Variants in CR1 observed in about 807,000 individuals in gnomAD.
CR1 encodes complement C3b/C4b receptor 1 (Knops blood group).
A neutral mutation model predicts 187.3 loss-of-function variants in CR1; 116 were observed. That is an observed-to-expected ratio of 0.62 (90% CI 0.53 to 0.72). The LOEUF (loss-of-function observed/expected upper bound fraction) is 0.72. Ranked by LOEUF, CR1 falls within the 30% of genes least tolerant of loss-of-function variation. The pLI is 0.00. For missense variants in CR1, 1,731 were observed against 2,110.7 expected (o/e 0.82, Z 3.52); for synonymous variants, 576 against 747.1 (o/e 0.77, Z 3.73).
rs373084022 is a variant in CR1, at chr1:207,622,548, G to T, written c.7277-445G>T. The stretch of plus-strand genomic sequence containing the variant: ...CGTAACTTGTCCAAGACCACAGAAT[G>T]GGGTAGCCTGGGTCTACTTATCTGT... On this transcript the variant is annotated intron_variant, in intron 44 of 46. Transcript: ENST00000367049. Among the ~76,000 whole-genome samples, 11 of 152,326 alleles carry T rather than the reference G, an allele frequency of 7.2e-5. No individual in the cohort carries two copies. The East Asian group carries it at 2.1e-3, about 29-fold the overall frequency.
chr1:207,507,567 T>G (rs1260372423), intron 3 of CR1: 1 of 152,150 alleles, frequency 6.6e-6, no homozygotes, highest in Admixed American at 6.5e-5. Flanking sequence ...CTGGATTGCC[T>G]CTCCAAAGAC....
At chr1:207,637,504 AC>A (rs1452573058) in intron 46 of CR1, among the ~76,000 whole-genome samples, 2 of 152,254 alleles carry the variant, frequency 1.3e-5, no homozygotes, top group Admixed American at 6.5e-5. Context: ...TAAATAATTT[AC>A]CCGTGGCCTG....
At chr1:207,616,536 A>C (rs754315420) in intron 40 of CR1, 39 bp from the exon 41 acceptor site, 1 of 1,599,874 alleles carries the variant, frequency 6.3e-7, no homozygotes, top group Non-Finnish European at 8.5e-7. Flanking sequence ...ATCTTAAGTG[A>C]AATTCTAATA....
chr1:207,628,597 T>C (rs933727802), intron 45 of CR1, among the ~76,000 whole-genome samples: 3 of 152,232 alleles, frequency 2.0e-5, no homozygotes, highest in African/African-American at 7.2e-5. Flanking sequence ...TGTTAGGAAT[T>C]AGGCCTTTAG....
intron 4 of CR1, among the ~76,000 whole-genome samples, chr1:207,517,911 T>C (rs1437650032): frequency 6.6e-6 from 1 of 152,152 alleles, no homozygotes; most frequent in Non-Finnish European, 1.5e-5. Context: ...TTACCGGGGC[T>C]TTATCAATTT....
At chr1:207,604,432 C>T (rs1661689742) in intron 35 of CR1, among the ~76,000 whole-genome samples, 2 of 152,166 alleles carry the variant, frequency 1.3e-5, no homozygotes, top group Admixed American at 1.3e-4. Flanking sequence ...GCCTAAATCA[C>T]CTAGTTCTTT....
chr1:207,498,877 C>CAAAAAAAAAAAAAAAA lies in CR1; in HGVS notation c.121+2490_121+2505dup, dbSNP rs56044498. ...TGGGTGACAGAGCGCAACTCCAAAT[C>CAAAAAAAAAAAAAAAA]AAAAAAAAAAAAAAAAGAAACAAAC... On this transcript the variant is annotated intron_variant, in intron 1 of 46. Coordinates refer to ENST00000367049, the MANE Select transcript of CR1 (RefSeq NM_000651.6). Among the ~76,000 whole-genome samples, 118 of 49,964 alleles carry CAAAAAAAAAAAAAAAA rather than the reference C, an allele frequency of 2.4e-3. 1 individual carries two copies. Among genetic ancestry groups the CAAAAAAAAAAAAAAAA allele is most frequent in the East Asian group, 3.3e-3 (3 of 912 alleles). The allele number at this position is 49,964 out of a possible 152,430, so 32.8% of individuals were successfully genotyped here.
intron 46 of CR1, among the ~76,000 whole-genome samples, chr1:207,637,516 AG>A (rs1245205189): frequency 6.6e-6 from 1 of 152,240 alleles, no homozygotes. Context: ...CCGTGGCCTG[AG>A]TGACATCCCG....
At chr1:207,498,050 G>A (rs1430995406) in intron 1 of CR1, among the ~76,000 whole-genome samples, 2 of 152,184 alleles carry the variant, frequency 1.3e-5, no homozygotes, top group Non-Finnish European at 2.9e-5. Flanking sequence ...TCCAGCCTCT[G>A]CTACTTACCA....
chr1:207,596,364 A>C (rs766917102), intron 35 of CR1, among the ~76,000 whole-genome samples: 4 of 152,162 alleles, frequency 2.6e-5, no homozygotes, highest in Non-Finnish European at 5.9e-5. Context: ...CTGTAATCCC[A>C]GCACTTTGGG....
intron 4 of CR1, 54 bp downstream of exon 4, chr1:207,511,708 C>A: frequency 1.3e-6 from 2 of 1,535,078 alleles, no homozygotes; most frequent in South Asian, 1.1e-5. Context: ...TAATTTTTCT[C>A]TGGAATAATA....
intron 4 of CR1, among the ~76,000 whole-genome samples, chr1:207,517,976 T>G (rs1659854956): frequency 6.6e-6 from 1 of 152,164 alleles, no homozygotes; most frequent in Non-Finnish European, 1.5e-5. Flanking sequence ...CTTTAGTTTA[T>G]GACTATTTTC....
intron 5 of CR1, among the ~76,000 whole-genome samples, chr1:207,525,864 A>G (rs1337772218): frequency 1.3e-5 from 2 of 152,062 alleles, no homozygotes; most frequent in African/African-American, 4.8e-5. Context: ...CAAACTCCCT[A>G]AAGAAGTCAT....
At chr1:207,638,763 C>T (rs1256331901) in intron 46 of CR1, among the ~76,000 whole-genome samples, 3 of 152,360 alleles carry the variant, frequency 2.0e-5, no homozygotes, top group Non-Finnish European at 2.9e-5. Flanking sequence ...CACATCAGTA[C>T]GAATTTGAAC....
At chr1:207,501,993 C>A (rs1215294473) in intron 1 of CR1, among the ~76,000 whole-genome samples, 2 of 151,822 alleles carry the variant, frequency 1.3e-5, no homozygotes, top group African/African-American at 4.8e-5. Context: ...AAAATAGACT[C>A]CTGGGCCCTA....
intron 33 of CR1, 21 bp downstream of exon 33, chr1:207,584,897 A>C (rs745568711): frequency 5.6e-6 from 9 of 1,613,244 alleles, no homozygotes; most frequent in African/African-American, 4.0e-5. Flanking sequence ...ACTTCCACAT[A>C]TCCTAAATGG....
At position 207,523,949 on chromosome 1, in the gene CR1, C is replaced by T. The variant is rs762275854; in HGVS notation, c.826C>T (p.Arg276Cys). Reference sequence around the variant, plus strand: ...GCCTGGCTTTGTCATGAAAGGACCCCGCCGTGTGAAGTGCCAGGCCCTGAA... The same window carrying T: ...GCCTGGCTTTGTCATGAAAGGACCCTGCCGTGTGAAGTGCCAGGCCCTGAA... The part of the protein sequence containing the change: ...CQPGFVMKGP[R>C]RVKCQALNKW... Residue 276 changes from arginine (R) to cysteine (C), a missense_variant, in exon 5 of 47, where the codon CGC becomes TGC. Arg to Cys is a radical substitution (Grantham distance 180). Coordinates refer to ENST00000367049, the MANE Select transcript of CR1 (RefSeq NM_000651.6). 6.2e-6 allele frequency: 10 copies of T among 1,611,576 alleles called. No individual in the cohort carries two copies. The highest frequency in any genetic ancestry group is 2.2e-5 in the East Asian group (1 of 44,898).
chr1:207,609,609 G>A lies in CR1; in HGVS notation c.6216G>A (p.Gly2072=), dbSNP rs771016495. 65 of 1,612,254 alleles carry A rather than the reference G, an allele frequency of 4.0e-5. No homozygotes were observed. Among genetic ancestry groups the A allele is most frequent in the Admixed American group, 5.0e-5 (3 of 59,782 alleles). Residue 2072 remains glycine, a synonymous_variant, in exon 37 of 47, where the codon GGG becomes GGA. Transcript: ENST00000367049. The stretch of plus-strand genomic sequence containing the variant: ...TCATCAGATTTAGATGTCAGCCCGG[G>A]TTTGTCATGGTAGGGTCCCACACTG... ...TEIIRFRCQP[G]FVMVGSHTVQ...
intron 4 of CR1, among the ~76,000 whole-genome samples, chr1:207,522,568 T>C (rs948301205): frequency 6.6e-6 from 1 of 152,188 alleles, no homozygotes; most frequent in Non-Finnish European, 1.5e-5. Flanking sequence ...CTCAACTGGA[T>C]TCTCATCTTC....
Sources: allele counts gnomAD v4.1 joint callset (sites outside exome capture counted in the v4.1 genomes callset), GRCh38; gene constraint gnomAD v4.1.1; transcripts MANE v1.5; gene names NCBI Gene and HGNC (gene_info 2026-07-23, HGNC 2026-07-21).